The following ZFAND3 variants were observed in gnomAD, a reference collection of about 807,000 sequenced individuals.
The protein encoded by ZFAND3 is zinc finger AN1-type containing 3.
In ZFAND3, 10 loss-of-function variants were observed where a neutral mutation model predicts 29.6. That is an observed-to-expected ratio of 0.34 (90% CI 0.21 to 0.57). The LOEUF (loss-of-function observed/expected upper bound fraction) is 0.57, where lower values mean the gene tolerates loss of function less well. Ranked by LOEUF, ZFAND3 falls within the 20% of genes least tolerant of loss-of-function variation. The probability of loss-of-function intolerance (pLI) is 0.86; values close to 1 mark genes in which losing one functional copy is unlikely to be tolerated. For synonymous variants in ZFAND3, 128 were observed against 112.6 expected, an observed-to-expected ratio of 1.14 and a Z score of -0.87; for missense variants, 230 against 304.5, an observed-to-expected ratio of 0.76 and a Z score of 1.82.
intron 3 of ZFAND3, among the ~76,000 whole-genome samples, chr6:38,079,530 A>T (rs59578279): frequency 0.089 from 13,540 of 152,256 alleles, 781 homozygotes; most frequent in East Asian, 0.29. Context: ...TCTAGAACAT[A>T]TGTAAATATG....
chr6:37,829,605 C>A (rs369299879), intron 1 of ZFAND3, among the ~76,000 whole-genome samples: 1 of 152,102 alleles, frequency 6.6e-6, no homozygotes, highest in South Asian at 2.1e-4. Flanking sequence ...AAAATACTTG[C>A]ATGTAGAAAC....
rs1156992290 is a variant in ZFAND3 at position 38,154,602 on chromosome 6, AAAATT to A, written c.*2217_*2221del. 5 of 958,194 alleles carry A rather than the reference AAAATT, an allele frequency of 5.2e-6. No homozygotes were observed. The highest frequency in any genetic ancestry group is 9.7e-5 in the South Asian group (2 of 20,720). 59.4% of individuals were successfully genotyped at this position (958,194 alleles called of 1,614,324 possible). A position where few individuals can be genotyped will look rare whatever the true frequency, so the allele number is the denominator to read the frequency against. ...ATTCTTTTTTCTCCTGCTGAAAAAA[AAAATT>A]AAACCAATCGTATGAAAGTTTGGTT... On this transcript the variant is annotated 3_prime_UTR_variant, in exon 6 of 6. Transcript: ENST00000287218.
intron 1 of ZFAND3, among the ~76,000 whole-genome samples, chr6:37,869,591 C>T (rs1300451557): frequency 1.3e-5 from 2 of 151,596 alleles, no homozygotes; most frequent in African/African-American, 2.4e-5. Context: ...TCACTGTAAC[C>T]TCCAACTCCT....
At chr6:37,901,478 G>A (rs1765317360) in intron 1 of ZFAND3, among the ~76,000 whole-genome samples, 1 of 152,092 alleles carries the variant, frequency 6.6e-6, no homozygotes, top group Non-Finnish European at 1.5e-5. Flanking sequence ...GAGACGTGGT[G>A]GCACACACCT....
chr6:38,152,206 T>A lies in ZFAND3; in HGVS notation c.530-29T>A, dbSNP rs552327600. ...GCACTTGGAGGCCACCCTAACACAC[T>A]CTTTCCTCTGCTTCTCCCGCTGCTG... On this transcript the variant is annotated intron_variant, in intron 5 of 5. Coordinates refer to ENST00000287218, the MANE Select transcript of ZFAND3 (RefSeq NM_021943.3). 31 of 1,489,022 alleles carry A rather than the reference T, an allele frequency of 2.1e-5. No homozygotes were observed. The African/African-American group carries it at 2.4e-4, about 12-fold the overall frequency. 92.2% of individuals were successfully genotyped at this position (1,489,022 alleles called of 1,614,324 possible). A position where few individuals can be genotyped will look rare whatever the true frequency, so the allele number is the denominator to read the frequency against.
intron 1 of ZFAND3, among the ~76,000 whole-genome samples, chr6:37,825,912 A>G (rs1276458456): frequency 6.6e-6 from 1 of 152,180 alleles, no homozygotes; most frequent in Non-Finnish European, 1.5e-5. Context: ...TGGATTTTTT[A>G]TTAGGTCATA....
At chr6:38,057,973 G>T (rs1349047162) in intron 2 of ZFAND3, among the ~76,000 whole-genome samples, 2 of 152,146 alleles carry the variant, frequency 1.3e-5, no homozygotes, top group African/African-American at 2.4e-5. Flanking sequence ...AAAAGGCATA[G>T]AAGGAGTATG....
chr6:37,886,237 C>CAAAAAA (rs55661554), intron 1 of ZFAND3, among the ~76,000 whole-genome samples: 6 of 95,302 alleles, frequency 6.3e-5, no homozygotes, highest in East Asian at 2.9e-4. Flanking sequence ...GACTCTGTCT[C>CAAAAAA]AAAAAAAAAA....
At chr6:38,048,017 A>G (rs539383466) in intron 2 of ZFAND3, among the ~76,000 whole-genome samples, 145 of 98,716 alleles carry the variant, frequency 1.5e-3, no homozygotes, top group Non-Finnish European at 2.5e-3. Flanking sequence ...TTATTTATTT[A>G]TTTTTGCGAC....
chr6:38,097,780 C>G (rs1765011558), intron 4 of ZFAND3, among the ~76,000 whole-genome samples: 1 of 152,028 alleles, frequency 6.6e-6, no homozygotes, highest in Admixed American at 6.5e-5. Context: ...TGAAGAGAAA[C>G]TTGAGGGAGT....
chr6:38,106,720 T>G (rs903403086), intron 4 of ZFAND3, among the ~76,000 whole-genome samples: 36 of 152,142 alleles, frequency 2.4e-4, no homozygotes, highest in African/African-American at 8.5e-4. Context: ...TGTGTATATC[T>G]TTCCTTCTGG....
chr6:37,908,553 A>AG (rs1332241194), intron 1 of ZFAND3, among the ~76,000 whole-genome samples: 15 of 114,010 alleles, frequency 1.3e-4, no homozygotes, highest in Non-Finnish European at 1.9e-4. Context: ...AAAAAAAAAA[A>AG]AAAAAAGAAA....
intron 2 of ZFAND3, among the ~76,000 whole-genome samples, chr6:38,029,903 A>C (rs770184870): frequency 2.0e-5 from 3 of 151,980 alleles, no homozygotes; most frequent in South Asian, 2.1e-4. Context: ...AAATACAAAT[A>C]AGAAAAACAT....
chr6:37,855,495 C>T (rs1391931751), intron 1 of ZFAND3, among the ~76,000 whole-genome samples: 3 of 152,030 alleles, frequency 2.0e-5, no homozygotes, highest in Non-Finnish European at 4.4e-5. Context: ...GGCAACACCT[C>T]CCCGCCCCAT....
rs1231658986 is a variant in ZFAND3 at position 38,093,868 on chromosome 6, G to T, written c.361+11411G>T. On this transcript the variant is annotated intron_variant, in intron 4 of 5. Transcript: ENST00000287218. ...GAGAGACAGGGTCGGGCATTTTTTG[G>T]TGTGGAGGTGGTTAAAATAGTGAAC... 2.0e-5 allele frequency among the ~76,000 whole-genome samples: 3 copies of T among 152,218 alleles called. No individual in the cohort carries two copies. The East Asian group carries it at 5.8e-4, about 29-fold the overall frequency.
intron 1 of ZFAND3, among the ~76,000 whole-genome samples, chr6:37,869,051 A>G (rs1212245575): frequency 1.3e-5 from 2 of 152,190 alleles, no homozygotes; most frequent in Admixed American, 6.5e-5. Flanking sequence ...TTGATAAGTT[A>G]TATTTCTCAT....
intron 1 of ZFAND3, among the ~76,000 whole-genome samples, chr6:37,913,708 C>CTTTTTTT (rs56045448): frequency 8.0e-5 from 9 of 113,038 alleles, no homozygotes; most frequent in African/African-American, 2.0e-4. Context: ...CAGCTATATT[C>CTTTTTTT]TTTTTTTTTT....
intron 2 of ZFAND3, among the ~76,000 whole-genome samples, chr6:38,021,525 A>G (rs911381344): frequency 6.6e-6 from 1 of 152,214 alleles, no homozygotes; most frequent in Non-Finnish European, 1.5e-5. Context: ...CCGGAGGAAA[A>G]AAACACTGCT....
intron 3 of ZFAND3, among the ~76,000 whole-genome samples, chr6:38,078,871 A>G (rs1212220647): frequency 6.6e-6 from 1 of 152,216 alleles, no homozygotes; most frequent in Non-Finnish European, 1.5e-5. Flanking sequence ...ACAGTGAGTC[A>G]TGGGGACTTA....
Sources: allele counts gnomAD v4.1 joint callset (sites outside exome capture counted in the v4.1 genomes callset), GRCh38; gene constraint gnomAD v4.1.1; transcripts MANE v1.5; gene names NCBI Gene and HGNC (gene_info 2026-07-23, HGNC 2026-07-21).